DNER: variants seen among roughly 807,000 people sequenced by gnomAD.
DNER encodes delta/notch like EGF repeat containing.
Under a neutral mutation model 78.2 loss-of-function variants are expected in DNER, and 33 were observed. The ratio of observed to expected loss-of-function variants is 0.42; its 90% CI spans 0.32 to 0.56. The LOEUF is 0.56. Ranked by LOEUF, DNER falls within the 20% of genes least tolerant of loss-of-function variation. The probability of loss-of-function intolerance (pLI) is 0.11; values close to 1 mark genes in which losing one functional copy is unlikely to be tolerated. For missense variants in DNER, 918 were observed against 975.3 expected, an observed-to-expected ratio of 0.94 and a Z score of 0.78; for synonymous variants, 417 against 384.8, an observed-to-expected ratio of 1.08 and a Z score of -0.98.
At chr2:229,663,950 T>C (rs888174) in intron 1 of DNER, among the ~76,000 whole-genome samples, 151,156 of 152,262 alleles carry the variant, frequency 0.99, 75,037 homozygotes, top group East Asian at 1. Context: ...ACCTCAACCT[T>C]CTGTATGTGT....
intron 8 of DNER, among the ~76,000 whole-genome samples, chr2:229,441,139 C>A (rs1462488554): frequency 6.6e-6 from 1 of 152,148 alleles, no homozygotes; most frequent in Non-Finnish European, 1.5e-5. Flanking sequence ...TATCCTGCAG[C>A]AAACTGGATC....
At chr2:229,689,034 G>A (rs759546194) in intron 1 of DNER, among the ~76,000 whole-genome samples, 1 of 152,134 alleles carries the variant, frequency 6.6e-6, no homozygotes, top group East Asian at 1.9e-4. Context: ...AATAGCTAAC[G>A]CATACTGGGC....
chr2:229,574,682 A>T (rs1244954102), intron 4 of DNER, among the ~76,000 whole-genome samples: 1 of 152,174 alleles, frequency 6.6e-6, no homozygotes, highest in Non-Finnish European at 1.5e-5. Context: ...TAGACAATAG[A>T]GTCTTTTTCA....
At chr2:229,473,652 A>AC (rs1410067614) in intron 7 of DNER, among the ~76,000 whole-genome samples, 1 of 152,236 alleles carries the variant, frequency 6.6e-6, no homozygotes, top group Non-Finnish European at 1.5e-5. Context: ...ATAAAACGCA[A>AC]CCCGTAGGAA....
At chr2:229,394,488 C>A (rs548741325) in intron 10 of DNER, among the ~76,000 whole-genome samples, 2 of 152,220 alleles carry the variant, frequency 1.3e-5, no homozygotes, top group African/African-American at 4.8e-5. Flanking sequence ...TTTGCAGAGG[C>A]CTGCAGGAGC....
intron 9 of DNER, among the ~76,000 whole-genome samples, chr2:229,407,997 C>A (rs1693425829): frequency 6.6e-6 from 1 of 152,090 alleles, no homozygotes; most frequent in Non-Finnish European, 1.5e-5. Context: ...TAATCCCATC[C>A]CAGAGTCTGT....
In DNER at chr2:229,677,620, T is replaced by C. The variant is rs960637184; in HGVS notation, c.276+36528A>G. ...CCACCACCCCAGGGTGGAAGGGTGA[T>C]TACAATGAATTTTTTTTAATCTACA... On this transcript the variant is annotated intron_variant, in intron 1 of 12. Coordinates refer to ENST00000341772, the MANE Select transcript of DNER (RefSeq NM_139072.4). Among the ~76,000 whole-genome samples, 3 of 152,184 alleles carry C rather than the reference T, an allele frequency of 2.0e-5. No homozygotes were observed. In the South Asian group the frequency reaches 6.2e-4, roughly 32 times the overall value.
chr2:229,448,847 T>C (rs1694394762), intron 7 of DNER, among the ~76,000 whole-genome samples: 1 of 152,342 alleles, frequency 6.6e-6, no homozygotes, highest in Non-Finnish European at 1.5e-5. Context: ...AATAGTCTAT[T>C]ACACGTCTCT....
chr2:229,381,306 T>C (rs1474146428), intron 11 of DNER, among the ~76,000 whole-genome samples: 1 of 152,140 alleles, frequency 6.6e-6, no homozygotes, highest in Non-Finnish European at 1.5e-5. Flanking sequence ...CGGGTACCTA[T>C]GTCACCAGGG....
At chr2:229,420,732 TA>T (rs1190677183) in intron 8 of DNER, among the ~76,000 whole-genome samples, 4 of 152,016 alleles carry the variant, frequency 2.6e-5, no homozygotes, top group Non-Finnish European at 5.9e-5. Flanking sequence ...ATGGCCATTA[TA>T]AAAAACAAAA....
chr2:229,420,393 A>AT (rs1164539239), intron 8 of DNER, among the ~76,000 whole-genome samples: 1 of 152,120 alleles, frequency 6.6e-6, no homozygotes, highest in African/African-American at 2.4e-5. Context: ...CATGCTGTTG[A>AT]TTGTTCCTTT....
At chr2:229,452,127 A>AT (rs1694470769) in intron 7 of DNER, among the ~76,000 whole-genome samples, 1 of 152,166 alleles carries the variant, frequency 6.6e-6, no homozygotes, top group African/African-American at 2.4e-5. Context: ...GATATCATCT[A>AT]TTTTCATTAT....
chr2:229,374,938 C>T (rs945982003), intron 11 of DNER, among the ~76,000 whole-genome samples: 5 of 152,098 alleles, frequency 3.3e-5, no homozygotes, highest in Non-Finnish European at 5.9e-5. Context: ...GTGGGTTGCA[C>T]TCAAAAGGCA....
chr2:229,512,911 T>C lies in DNER; in HGVS notation c.1019A>G (p.Glu340Gly), dbSNP rs1335230950. Reference sequence around the variant, plus strand: ...TTCACAGAAAGTACCCACGTACTGCTCCTCACAGGTACAGGAAAAAGTTGC... The same window carrying C: ...TTCACAGAAAGTACCCACGTACTGCCCCTCACAGGTACAGGAAAAAGTTGC... Reference protein sequence around the residue: ...SEATFSCTCEEQYVGTFCEEY... With the variant: ...SEATFSCTCEGQYVGTFCEEY... The change falls in exon 6 of 13, where the codon GAG (glutamate) becomes GGG (glycine). Residue 340 changes from glutamate (E) to glycine (G), a missense_variant. By Grantham distance (98) the Glu-to-Gly change is moderately conservative. Coordinates refer to ENST00000341772, the MANE Select transcript of DNER (RefSeq NM_139072.4). The C allele has an allele frequency of 6.2e-7, 1 of 1,613,944 alleles. No homozygotes were observed. The highest frequency in any genetic ancestry group is 1.3e-5 in the African/African-American group (1 of 74,920).
At chr2:229,668,037 C>A (rs1459044871) in intron 1 of DNER, among the ~76,000 whole-genome samples, 7 of 152,132 alleles carry the variant, frequency 4.6e-5, no homozygotes, top group Non-Finnish European at 8.8e-5. Context: ...GCTTTTGAAG[C>A]CCAAATCTTG....
At chr2:229,690,675 G>GA (rs1038152023) in intron 1 of DNER, among the ~76,000 whole-genome samples, 30 of 151,580 alleles carry the variant, frequency 2.0e-4, no homozygotes, top group East Asian at 9.7e-4. Context: ...ATATCTGTGG[G>GA]AAAAAAAAAT....
At chr2:229,489,590 C>T (rs1695351906) in intron 6 of DNER, among the ~76,000 whole-genome samples, 1 of 151,652 alleles carries the variant, frequency 6.6e-6, no homozygotes, top group Non-Finnish European at 1.5e-5. Context: ...CACATTGCTG[C>T]CTGGTGCAGG....
intron 5 of DNER, among the ~76,000 whole-genome samples, chr2:229,521,185 A>G (rs1696089757): frequency 6.6e-6 from 1 of 152,202 alleles, no homozygotes. Flanking sequence ...GCTCCTAGTT[A>G]ATGGAGGAGC....
At chr2:229,364,415 G>T (rs1206076997) in intron 12 of DNER, among the ~76,000 whole-genome samples, 7 of 152,108 alleles carry the variant, frequency 4.6e-5, no homozygotes, top group Non-Finnish European at 1.0e-4. Context: ...TTATTTACAG[G>T]GTAGTGGCAT....
Sources: gnomAD v4.1 joint callset for allele counts (sites outside exome capture counted in the v4.1 genomes callset) on GRCh38, gnomAD v4.1.1 for gene constraint, MANE v1.5 for transcripts, NCBI Gene and HGNC (gene_info 2026-07-23, HGNC 2026-07-21) for gene names.